Variants in CNTNAP5 observed in about 807,000 individuals in gnomAD.
CNTNAP5 encodes contactin associated protein family member 5.
A neutral mutation model predicts 150.2 loss-of-function variants in CNTNAP5; 72 were observed. The observed-to-expected ratio is 0.48, with a 90% CI of 0.40 to 0.58. The LOEUF (loss-of-function observed/expected upper bound fraction) is 0.58, where lower values mean the gene tolerates loss of function less well. CNTNAP5 is among the 20% of genes least tolerant of loss of function. The probability of loss-of-function intolerance (pLI) is 0.00; values close to 1 mark genes in which losing one functional copy is unlikely to be tolerated. For missense variants in CNTNAP5, 1,636 were observed against 1,626.2 expected (o/e 1.01, Z -0.10); for synonymous variants, 672 against 619.8 (o/e 1.08, Z -1.25).
At chr2:124,283,128 A>C (rs940741102) in intron 3 of CNTNAP5, among the ~76,000 whole-genome samples, 7 of 151,672 alleles carry the variant, frequency 4.6e-5, no homozygotes, top group Non-Finnish European at 1.0e-4. Flanking sequence ...TTTCCACTGT[A>C]TGAATTTGTG....
At chr2:124,896,277 A>G (rs188781120) in intron 21 of CNTNAP5, among the ~76,000 whole-genome samples, 3 of 151,668 alleles carry the variant, frequency 2.0e-5, no homozygotes, top group African/African-American at 7.3e-5. Flanking sequence ...ATGCATGCAC[A>G]CACACACACA....
chr2:124,357,226 G>C (rs1690037022), intron 3 of CNTNAP5, among the ~76,000 whole-genome samples: 1 of 152,104 alleles, frequency 6.6e-6, no homozygotes, highest in Non-Finnish European at 1.5e-5. Context: ...AGACGAGTAG[G>C]TTACGAAAAT....
intron 13 of CNTNAP5, among the ~76,000 whole-genome samples, chr2:124,707,140 GGAAGAAGAAGAAGAAGAAGAA>G (rs76714465): frequency 0.023 from 1,961 of 86,458 alleles, 128 homozygotes; most frequent in East Asian, 0.14. Flanking sequence ...AAGAAGAAGA[GGAAGAAGAAGAAGAAGAAGAA>G]GAAGAAGAAG....
At chr2:124,407,163 C>A (rs188714126) in intron 3 of CNTNAP5, among the ~76,000 whole-genome samples, 2 of 152,016 alleles carry the variant, frequency 1.3e-5, no homozygotes, top group African/African-American at 4.8e-5. Context: ...GTGCAGGTAT[C>A]CTTTTGATAT....
At chr2:124,342,846 T>G (rs1689651704) in intron 3 of CNTNAP5, among the ~76,000 whole-genome samples, 1 of 151,300 alleles carries the variant, frequency 6.6e-6, no homozygotes, top group African/African-American at 2.4e-5. Context: ...TTGTAAAAAA[T>G]CATGGTTTTT....
intron 1 of CNTNAP5, among the ~76,000 whole-genome samples, chr2:124,212,316 ATG>A (rs1240644240): frequency 1.3e-5 from 2 of 151,880 alleles, no homozygotes; most frequent in Non-Finnish European, 2.9e-5. Context: ...CTTTGTAATG[ATG>A]TGTGTGTGTG....
intron 13 of CNTNAP5, among the ~76,000 whole-genome samples, chr2:124,687,741 T>C (rs1679221339): frequency 6.6e-6 from 1 of 151,730 alleles, no homozygotes; most frequent in Non-Finnish European, 1.5e-5. Context: ...ATACTTTCTC[T>C]CAGGCAAAAA....
In CNTNAP5 at chr2:124,871,214, T is replaced by C. The variant is rs185956595; in HGVS notation, c.3436+1452T>C. Reference sequence around the variant, plus strand: ...CAGGCTTTATTTCCTTCTTTTTAACTAAATTCTTTTGAATTATTTTCTGTT... The same window carrying C: ...CAGGCTTTATTTCCTTCTTTTTAACCAAATTCTTTTGAATTATTTTCTGTT... On this transcript the variant is annotated intron_variant, in intron 21 of 23. Coordinates refer to ENST00000682447, the MANE Select transcript of CNTNAP5 (RefSeq NM_001367498.1). Among the ~76,000 whole-genome samples the C allele has an allele frequency of 1.4e-3, 209 of 152,244 alleles. 3 individuals carry two copies. The highest frequency in any genetic ancestry group is 1.2e-4 in the Non-Finnish European group (8 of 68,002).
At chr2:124,269,726 T>A (rs1287207057) in intron 3 of CNTNAP5, among the ~76,000 whole-genome samples, 1 of 152,096 alleles carries the variant, frequency 6.6e-6, no homozygotes, top group Admixed American at 6.5e-5. Flanking sequence ...AGGATCTCCA[T>A]CCATTCAAGT....
At chr2:124,227,380 CT>C (rs1686486702) in intron 2 of CNTNAP5, among the ~76,000 whole-genome samples, 1 of 152,110 alleles carries the variant, frequency 6.6e-6, no homozygotes, top group African/African-American at 2.4e-5. Flanking sequence ...ATCCCTGCCC[CT>C]TCTAAATGTC....
chr2:124,624,292 A>C (rs998921672), intron 12 of CNTNAP5, among the ~76,000 whole-genome samples: 13 of 152,220 alleles, frequency 8.5e-5, no homozygotes, highest in African/African-American at 3.1e-4. Context: ...TACCCGTTTT[A>C]GCACGGCCAG....
At chr2:124,904,842 C>T (rs542610757) in intron 22 of CNTNAP5, among the ~76,000 whole-genome samples, 3 of 151,072 alleles carry the variant, frequency 2.0e-5, no homozygotes, top group Non-Finnish European at 4.4e-5. Flanking sequence ...TTACATGACA[C>T]CAAAAGTATG....
chr2:124,832,266 A>C (rs1414559172), intron 19 of CNTNAP5, among the ~76,000 whole-genome samples: 1 of 152,152 alleles, frequency 6.6e-6, no homozygotes, highest in Non-Finnish European at 1.5e-5. Context: ...ATGAACTGGA[A>C]AATATTTAAA....
intron 1 of CNTNAP5, among the ~76,000 whole-genome samples, chr2:124,184,440 T>A (rs560631798): frequency 6.6e-6 from 1 of 152,288 alleles, no homozygotes; most frequent in East Asian, 1.9e-4. Context: ...TCTTTCAGTA[T>A]CAACATGTCG....
rs1558777088 is a variant in CNTNAP5, at chr2:124,790,655, G to GC, written c.2992+517dup. Among the ~76,000 whole-genome samples, 5 of 152,294 alleles carry GC rather than the reference G, an allele frequency of 3.3e-5. No individual in the cohort carries two copies. In the South Asian group the frequency reaches 1.0e-3, roughly 32 times the overall value. Reference sequence around the variant, plus strand: ...TGAGCGAATGTCTGAGGCTTTAAAAGCCCTGTCTGAAAGTTCATATTTAGT... The same window carrying GC: ...TGAGCGAATGTCTGAGGCTTTAAAAGCCCCTGTCTGAAAGTTCATATTTAGT... On this transcript the variant is annotated intron_variant, in intron 18 of 23. Coordinates refer to ENST00000682447, the MANE Select transcript of CNTNAP5 (RefSeq NM_001367498.1).
At chr2:124,510,834 C>T (rs1438607819) in intron 8 of CNTNAP5, among the ~76,000 whole-genome samples, 1 of 152,164 alleles carries the variant, frequency 6.6e-6, no homozygotes, top group Non-Finnish European at 1.5e-5. Context: ...GCAGAGAACA[C>T]CTTCTAGGAG....
intron 12 of CNTNAP5, among the ~76,000 whole-genome samples, chr2:124,633,481 G>T (rs575579196): frequency 1.4e-3 from 219 of 152,336 alleles, no homozygotes; most frequent in Non-Finnish European, 2.8e-3. Context: ...CAAGGGGCTA[G>T]CTCCCAAGGC....
At chr2:124,132,083 C>A (rs930600683) in intron 1 of CNTNAP5, among the ~76,000 whole-genome samples, 3 of 152,118 alleles carry the variant, frequency 2.0e-5, no homozygotes, top group African/African-American at 7.2e-5. Flanking sequence ...ACAGGCAGGT[C>A]CTGTTCTGCT....
chr2:124,493,259 T>C (rs1694072020), intron 7 of CNTNAP5, among the ~76,000 whole-genome samples: 1 of 151,932 alleles, frequency 6.6e-6, no homozygotes, highest in East Asian at 1.9e-4. Context: ...ATTCCTTTAA[T>C]TGATTTGCAT....
Sources: gnomAD v4.1 joint callset for allele counts (sites outside exome capture counted in the v4.1 genomes callset) on GRCh38, gnomAD v4.1.1 for gene constraint, MANE v1.5 for transcripts, NCBI Gene and HGNC (gene_info 2026-07-23, HGNC 2026-07-21) for gene names.